COMMD10: variants seen among roughly 807,000 people sequenced by gnomAD.
COMMD10 encodes the protein COMM domain-containing protein 10.
COMMD10 carries 33 observed loss-of-function variants against 28.9 expected under a neutral mutation model. The ratio of observed to expected loss-of-function variants is 1.14; its 90% CI spans 0.87 to 1.53. The LOEUF is 1.53. COMMD10 is among the 40% of genes most tolerant of loss of function. COMMD10 has a pLI of 0.00. For missense variants in COMMD10, 310 were observed against 233.4 expected (o/e 1.33, Z -2.14); for synonymous variants, 110 against 81.7 (o/e 1.35, Z -1.87).
chr5:116,195,397 A>G (rs554487598), intron 5 of COMMD10, among the ~76,000 whole-genome samples: 8 of 152,308 alleles, frequency 5.3e-5, no homozygotes, highest in African/African-American at 1.7e-4. Context: ...ATGATCGTTT[A>G]CCTTGAAAAC....
chr5:116,123,329 T>C (rs1291906072), intron 4 of COMMD10, among the ~76,000 whole-genome samples: 1 of 152,140 alleles, frequency 6.6e-6, no homozygotes, highest in East Asian at 1.9e-4. Context: ...GAGATAATCA[T>C]GTGGTTTTTG....
intron 5 of COMMD10, among the ~76,000 whole-genome samples, chr5:116,201,164 C>T (rs1258495585): frequency 6.6e-6 from 1 of 152,134 alleles, no homozygotes; most frequent in Admixed American, 6.6e-5. Context: ...GTCAGTTAGG[C>T]TCTGATAGAA....
chr5:116,227,206 G>T (rs1318747887), intron 5 of COMMD10, among the ~76,000 whole-genome samples: 1 of 151,920 alleles, frequency 6.6e-6, no homozygotes, highest in African/African-American at 2.4e-5. Flanking sequence ...GAAATTTCAT[G>T]GTGATCTTTT....
chr5:116,101,292 G>A (rs1486526638), intron 4 of COMMD10, among the ~76,000 whole-genome samples: 1 of 152,020 alleles, frequency 6.6e-6, no homozygotes, highest in African/African-American at 2.4e-5. Context: ...GTTAGTTCTA[G>A]TTTTAGTTAT....
At chr5:116,107,222 C>T (rs946968857) in intron 4 of COMMD10, among the ~76,000 whole-genome samples, 7 of 152,072 alleles carry the variant, frequency 4.6e-5, no homozygotes, top group Non-Finnish European at 2.9e-5. Context: ...GAATGTTGGC[C>T]TGCCTTGCTA....
intron 5 of COMMD10, among the ~76,000 whole-genome samples, chr5:116,235,024 A>G (rs781377382): frequency 1.3e-5 from 2 of 152,184 alleles, no homozygotes; most frequent in Non-Finnish European, 2.9e-5. Flanking sequence ...CTTCAAATGT[A>G]AAGGTGTTTG....
chr5:116,216,258 A>C (rs1749098018), intron 5 of COMMD10, among the ~76,000 whole-genome samples: 1 of 152,190 alleles, frequency 6.6e-6, no homozygotes, highest in Non-Finnish European at 1.5e-5. Context: ...TTAATCAGAA[A>C]ATTTCTCATT....
intron 5 of COMMD10, among the ~76,000 whole-genome samples, chr5:116,175,968 A>G (rs4921067): frequency 0.31 from 47,313 of 151,904 alleles, 10,362 homozygotes; most frequent in African/African-American, 0.63. Flanking sequence ...TTGCACAACA[A>G]TATGAATGTA....
intron 5 of COMMD10, among the ~76,000 whole-genome samples, chr5:116,145,403 C>T (rs909010127): frequency 2.0e-5 from 3 of 150,656 alleles, no homozygotes; most frequent in Non-Finnish European, 4.4e-5. Flanking sequence ...TTATCTTTGC[C>T]GGGTGTTGTC....
intron 5 of COMMD10, among the ~76,000 whole-genome samples, chr5:116,168,424 TG>T (rs1346875570): frequency 1.3e-5 from 2 of 152,022 alleles, no homozygotes; most frequent in Admixed American, 1.3e-4. Context: ...ATTAGATCAA[TG>T]GGACAAAAAA....
Position 116,257,816 on chromosome 5 carries a change from A to T in COMMD10, c.511-33701A>T, listed in dbSNP as rs144548899. 7.2e-5 allele frequency among the ~76,000 whole-genome samples: 11 copies of T among 151,936 alleles called. No homozygotes were observed. The East Asian group carries it at 2.1e-3, about 29-fold the overall frequency. On this transcript the variant is annotated intron_variant, in intron 5 of 6. Coordinates refer to ENST00000274458, the MANE Select transcript of COMMD10 (RefSeq NM_016144.4). ...ATTTTAAGATTCTTATATGTGGACC[A>T]CTTTGTATAATGTGCCTACAAGGTA...
chr5:116,158,679 T>C (rs1022157761), intron 5 of COMMD10, among the ~76,000 whole-genome samples: 1 of 151,990 alleles, frequency 6.6e-6, no homozygotes, highest in African/African-American at 2.4e-5. Flanking sequence ...AATTATGTTT[T>C]CTTAAGTGTT....
At chr5:116,127,984 A>G (rs1011046759) in intron 4 of COMMD10, among the ~76,000 whole-genome samples, 1 of 152,126 alleles carries the variant, frequency 6.6e-6, no homozygotes, top group African/African-American at 2.4e-5. Flanking sequence ...ACTGCTCTGG[A>G]TAAAAATTGT....
intron 5 of COMMD10, among the ~76,000 whole-genome samples, chr5:116,139,943 A>G (rs1204248583): frequency 1.3e-5 from 2 of 151,718 alleles, no homozygotes; most frequent in African/African-American, 2.4e-5. Flanking sequence ...TTACGATACA[A>G]TATCATTAAT....
intron 5 of COMMD10, among the ~76,000 whole-genome samples, chr5:116,215,617 G>A (rs1387736164): frequency 6.6e-6 from 1 of 150,586 alleles, no homozygotes; most frequent in Admixed American, 6.6e-5. Context: ...ATCCCGGGAG[G>A]CGGAGGTTGC....
At chr5:116,241,852 C>G (rs969477358) in intron 5 of COMMD10, among the ~76,000 whole-genome samples, 2 of 151,954 alleles carry the variant, frequency 1.3e-5, no homozygotes, top group Non-Finnish European at 2.9e-5. Flanking sequence ...CTCCTGACCT[C>G]GTGATCCACC....
At chr5:116,244,262 T>G (rs1273082800) in intron 5 of COMMD10, among the ~76,000 whole-genome samples, 4 of 152,140 alleles carry the variant, frequency 2.6e-5, no homozygotes, top group Admixed American at 6.6e-5. Flanking sequence ...TATCAGTAAT[T>G]GATTCCCACT....
intron 4 of COMMD10, among the ~76,000 whole-genome samples, chr5:116,122,772 GCT>G (rs1437061925): frequency 2.0e-5 from 3 of 151,992 alleles, no homozygotes; most frequent in African/African-American, 4.8e-5. Flanking sequence ...TCATGATTTG[GCT>G]CTCTGTCTGT....
intron 5 of COMMD10, among the ~76,000 whole-genome samples, chr5:116,135,372 A>G (rs371448436): frequency 6.6e-6 from 1 of 152,244 alleles, no homozygotes; most frequent in Admixed American, 6.5e-5. Flanking sequence ...CCCAGATTAT[A>G]TGACTATAAA....
Sources: allele counts gnomAD v4.1 joint callset (sites outside exome capture counted in the v4.1 genomes callset), GRCh38; gene constraint gnomAD v4.1.1; transcripts MANE v1.5; gene names NCBI Gene and HGNC (gene_info 2026-07-23, HGNC 2026-07-21).